Variants in SLC47A2 observed in about 807,000 individuals in gnomAD.
SLC47A2 encodes multidrug and toxin extrusion protein 2.
SLC47A2 carries 52 observed loss-of-function variants against 67.7 expected under a neutral mutation model. The ratio of observed to expected loss-of-function variants is 0.77; its 90% CI spans 0.61 to 0.97. The LOEUF (loss-of-function observed/expected upper bound fraction) is 0.97, where lower values mean the gene tolerates loss of function less well. SLC47A2 is among the 50% of genes least tolerant of loss of function. SLC47A2 has a pLI of 0.00. For missense variants in SLC47A2, 676 were observed against 712.3 expected, an observed-to-expected ratio of 0.95 and a Z score of 0.58; for synonymous variants, 278 against 292.9, an observed-to-expected ratio of 0.95 and a Z score of 0.52.
chr17:19,706,741 G>T lies in SLC47A2; in HGVS notation c.748C>A (p.Gln250Lys). ...TWAGWSSQCL[Q>K]DWGPFFSLAV... ...AGGGAGAAGAAGGGGCCCCAGTCCT[G>T]CAGGCACTGGCTGGACCAACCTGGA... Residue 250 changes from glutamine (Q) to lysine (K), a missense_variant, in exon 9 of 17, where the codon CAG becomes AAG. Physicochemically the swap from Gln to Lys is moderately conservative, Grantham distance 53. Coordinates refer to ENST00000433844, the MANE Select transcript of SLC47A2 (RefSeq NM_001099646.3). 2 of 1,609,580 alleles carry T rather than the reference G, an allele frequency of 1.2e-6. No homozygotes were observed. The highest frequency in any genetic ancestry group is 1.7e-6 in the Non-Finnish European group (2 of 1,178,938).
In SLC47A2 at chr17:19,702,509, C is replaced by T. The variant is rs2085811756; in HGVS notation, c.1164+96G>A. The T allele has an allele frequency of 1.0e-5, 16 of 1,561,352 alleles. 1 individual carries two copies. In the Middle Eastern group the frequency reaches 2.4e-3, roughly 233 times the overall value. On this transcript the variant is annotated intron_variant, in intron 13 of 16. Coordinates refer to ENST00000433844, the MANE Select transcript of SLC47A2 (RefSeq NM_001099646.3). The stretch of plus-strand genomic sequence containing the variant: ...ACAGTTAGCCCTTCATGTGTATTAA[C>T]AAGTTCATCCTCACAGCCCTGCGAG...
At chr17:19,688,335 C>T (rs1457453447) in intron 13 of SLC47A2, among the ~76,000 whole-genome samples, 1 of 151,366 alleles carries the variant, frequency 6.6e-6, no homozygotes, top group South Asian at 2.1e-4. Context: ...AAAAAAAACT[C>T]AAAAAAACTG....
chr17:19,684,949 G>A (rs1420173394), intron 13 of SLC47A2, among the ~76,000 whole-genome samples: 1 of 152,050 alleles, frequency 6.6e-6, no homozygotes, highest in Non-Finnish European at 1.5e-5. Flanking sequence ...AGGCTCCGGT[G>A]ATTCTCCTGC....
At chr17:19,684,818 C>G (rs568796749) in intron 13 of SLC47A2, among the ~76,000 whole-genome samples, 1 of 152,222 alleles carries the variant, frequency 6.6e-6, no homozygotes, top group East Asian at 1.9e-4. Context: ...TCGCCCTCTC[C>G]CTCTCCCTCT....
Position 19,712,848 on chromosome 17 carries a change from AGG to A in SLC47A2, c.444-105_444-104del, listed in dbSNP as rs371367945. 524 of 1,120,790 alleles carry A rather than the reference AGG, an allele frequency of 4.7e-4. 3 individuals are homozygous for A. The African/African-American group carries it at 6.9e-3, about 15-fold the overall frequency. 69.4% of individuals were successfully genotyped at this position (1,120,790 alleles called of 1,614,324 possible). A position where few individuals can be genotyped will look rare whatever the true frequency, so the allele number is the denominator to read the frequency against. ...GGACTGGGTGCTCGGCCGCTGTCCC[AGG>A]GTCTCAGCCAGGACTGTGAAACCTC... On this transcript the variant is annotated intron_variant, in intron 4 of 16. Transcript: ENST00000433844.
At chr17:19,710,637 G>A (rs1597637059) in intron 5 of SLC47A2, among the ~76,000 whole-genome samples, 1 of 151,996 alleles carries the variant, frequency 6.6e-6, no homozygotes, top group Non-Finnish European at 1.5e-5. Flanking sequence ...ATTTTTAGTA[G>A]AGACGGGGTT....
rs1184258515 is a variant in SLC47A2, at chr17:19,685,342, C to A, written c.1165-3672G>T. Among the ~76,000 whole-genome samples the A allele has an allele frequency of 6.6e-6, 1 of 152,058 alleles. No individual in the cohort carries two copies. Among genetic ancestry groups the A allele is most frequent in the Non-Finnish European group, 1.5e-5 (1 of 68,012 alleles). Reference sequence around the variant, plus strand: ...GTGAGGAGCCCCTGTGCCTGGCCACCCCATCTGGGAAGTGAGGCGCGCCTC... The same window carrying A: ...GTGAGGAGCCCCTGTGCCTGGCCACACCATCTGGGAAGTGAGGCGCGCCTC... On this transcript the variant is annotated intron_variant, in intron 13 of 16. Transcript: ENST00000433844. The surrounding 1 kb of genome is among the most constrained non-coding windows in gnomAD (Gnocchi z 4.5).
In SLC47A2 at chr17:19,680,346, G is replaced by A. The variant is rs1236012745; in HGVS notation, c.1393-307C>T. Among the ~76,000 whole-genome samples the A allele has an allele frequency of 4.6e-5, 7 of 152,234 alleles. No individual in the cohort carries two copies. The East Asian group carries it at 1.4e-3, about 29-fold the overall frequency. On this transcript the variant is annotated intron_variant, in intron 15 of 16. Transcript: ENST00000433844. The stretch of plus-strand genomic sequence containing the variant: ...TACTAAAAAATTAGCTGGGCATGGT[G>A]GCGCATGTCTGTAGTCCCAGCTACT...
In SLC47A2 at chr17:19,704,167, C is replaced by A. The variant is rs1256187874; in HGVS notation, c.921G>T (p.Gly307=). Residue 307 remains glycine, a synonymous_variant, in exon 11 of 17, where the codon GGG becomes GGT. Coordinates refer to ENST00000433844, the MANE Select transcript of SLC47A2 (RefSeq NM_001099646.3). ...CTCGGACACAGACCCCGATGCTGAG[C>A]CCCAAGGGAATCTGGGATCAAAGAT... ...VATVTYMIPL[G]LSIGVCVRVG... 6.2e-7 allele frequency: 1 copy of A among 1,606,170 alleles called. No individual in the cohort carries two copies. Among genetic ancestry groups the A allele is most frequent in the Non-Finnish European group, 8.5e-7 (1 of 1,177,094 alleles).
chr17:19,706,609 G>T, intron 9 of SLC47A2, 39 bp downstream of exon 9: 1 of 1,508,442 alleles, frequency 6.6e-7, no homozygotes. Flanking sequence ...TGGGTGAGCC[G>T]CCCACACGCC....
At chr17:19,680,137 T>G (rs2085282117) in intron 15 of SLC47A2, 98 bp from the exon 16 acceptor site, 1 of 1,165,106 alleles carries the variant, frequency 8.6e-7, no homozygotes. Flanking sequence ...CATTGCAAGC[T>G]GAAGCAGCAT....
At chr17:19,713,666 C>A (rs1054324512) in intron 4 of SLC47A2, among the ~76,000 whole-genome samples, 159 bp downstream of exon 4, 1 of 152,240 alleles carries the variant, frequency 6.6e-6, no homozygotes, top group Non-Finnish European at 1.5e-5. Context: ...TGGGGAGAAT[C>A]CCCAAACCAA....
chr17:19,705,346 A>T (rs1175589947), intron 10 of SLC47A2, 90 bp downstream of exon 10: 1 of 1,382,804 alleles, frequency 7.2e-7, no homozygotes, highest in Non-Finnish European at 1.0e-6. Context: ...GGAGACAGAG[A>T]TAGCTTCAGG....
At position 19,716,518 on chromosome 17, in the gene SLC47A2, C is replaced by T; in HGVS notation, c.38G>A (p.Gly13Glu). 6.2e-7 allele frequency: 1 copy of T among 1,612,034 alleles called. No individual in the cohort carries two copies. Among genetic ancestry groups the T allele is most frequent in the Non-Finnish European group, 8.5e-7 (1 of 1,179,270 alleles). Residue 13 changes from glycine to glutamate, a missense_variant, in exon 1 of 17, where the codon GGG (glycine) becomes GAG (glutamate). By Grantham distance (98) the Gly-to-Glu change is moderately conservative (BLOSUM62 -2). Transcript: ENST00000433844. ...SLQDTVALDH[G>E]GCCPALSRLV... ...CCTGCTGAGGGCAGGGCAGCAGCCC[C>T]CATGGTCCAGGGCCACTGTGTCCTG...
At chr17:19,691,786 G>A (rs1323115551) in intron 13 of SLC47A2, among the ~76,000 whole-genome samples, 1 of 152,140 alleles carries the variant, frequency 6.6e-6, no homozygotes, top group Non-Finnish European at 1.5e-5. Flanking sequence ...AATGCTTGAG[G>A]TGATGAAAAC....
chr17:19,690,627 A>G (rs540269239), intron 13 of SLC47A2, among the ~76,000 whole-genome samples: 154 of 152,328 alleles, frequency 1.0e-3, no homozygotes, highest in African/African-American at 3.6e-3. Flanking sequence ...AAATAATCCT[A>G]AAATGTATAA....
chr17:19,715,023 C>G, intron 2 of SLC47A2, 93 bp downstream of exon 2: 1 of 1,417,822 alleles, frequency 7.1e-7, no homozygotes, highest in East Asian at 2.3e-5. Flanking sequence ...TCTTCCCATC[C>G]CTGACCAGCC....
intron 10 of SLC47A2, 65 bp downstream of exon 10, chr17:19,705,371 C>A (rs1013077877): frequency 2.0e-6 from 3 of 1,521,388 alleles, no homozygotes; most frequent in Admixed American, 1.9e-5. Flanking sequence ...AGCCTGCCCC[C>A]CTCCTATGAC....
At chr17:19,689,608 G>A (rs1255328425) in intron 13 of SLC47A2, among the ~76,000 whole-genome samples, 1 of 151,144 alleles carries the variant, frequency 6.6e-6, no homozygotes, top group Non-Finnish European at 1.5e-5. Context: ...GAAGTGAGAG[G>A]ATCACCTGAG....
Sources: gnomAD v4.1 joint callset for allele counts (sites outside exome capture counted in the v4.1 genomes callset) on GRCh38, gnomAD v4.1.1 for gene constraint, Gnocchi (gnomAD v3.1) non-coding constraint, MANE v1.5 for transcripts, NCBI Gene and HGNC (gene_info 2026-07-23, HGNC 2026-07-21) for gene names.